FDFT1: variants seen among roughly 807,000 people sequenced by gnomAD.
The protein encoded by FDFT1 is squalene synthase.
A neutral mutation model predicts 46.8 loss-of-function variants in FDFT1; 68 were observed. The ratio of observed to expected loss-of-function variants is 1.45; its 90% CI spans 1.19 to 1.78. The LOEUF (loss-of-function observed/expected upper bound fraction) is 1.78, where lower values mean the gene tolerates loss of function less well. Among genes scored for constraint, FDFT1 ranks in the 40% most tolerant of loss-of-function variants. The pLI is 0.00. For synonymous variants in FDFT1, 351 were observed against 185.1 expected, an observed-to-expected ratio of 1.90 and a Z score of -7.28; for missense variants, 928 against 524.4, an observed-to-expected ratio of 1.77 and a Z score of -7.52.
At chr8:11,820,576 C>T (rs1029747117) in intron 3 of FDFT1, among the ~76,000 whole-genome samples, 4 of 152,170 alleles carry the variant, frequency 2.6e-5, no homozygotes, top group East Asian at 1.9e-4. Context: ...TCAGCAATGG[C>T]GGGGAGGCGC....
At chr8:11,795,641 T>C (rs7845566) in exon 1 of FDFT1, 18,711 of 151,474 alleles carry the variant, frequency 0.12, 1,282 homozygotes, top group Middle Eastern at 0.18. Flanking sequence ...CAATAAATTT[T>C]AATACTTGTC....
Position 11,817,583 on chromosome 8 carries a change from T to C in FDFT1, c.382-4167T>C, listed in dbSNP as rs958167528. On this transcript the variant is annotated intron_variant, in intron 3 of 7. Coordinates refer to ENST00000220584, the MANE Select transcript of FDFT1 (RefSeq NM_004462.5). ...TTTCAGAGGTTCAACTTCTTCCTGG[T>C]TTAGTCTTGGGAGAGTGTATGTGTC... 2.0e-5 allele frequency among the ~76,000 whole-genome samples: 3 copies of C among 152,174 alleles called. No individual in the cohort carries two copies. The South Asian group carries it at 6.2e-4, about 32-fold the overall frequency.
At position 11,838,563 on chromosome 8, in the gene FDFT1, C is replaced by G; in HGVS notation, c.1208C>G (p.Thr403Ser). 1 of 1,613,812 alleles carries G rather than the reference C, an allele frequency of 6.2e-7. No individual in the cohort carries two copies. Among genetic ancestry groups the G allele is most frequent in the East Asian group, 2.2e-5 (1 of 44,888 alleles). Residue 403 changes from threonine (T) to serine (S), a missense_variant, in exon 8 of 8, where the codon ACT becomes AGT. By Grantham distance (58) the Thr-to-Ser change is moderately conservative. Coordinates refer to ENST00000220584, the MANE Select transcript of FDFT1 (RefSeq NM_004462.5). ...GCCCTGAGCTGGCAGTACCTGACCA[C>G]TCTCTCCCAGGTAACAGAAGACTAT... ...LAALSWQYLT[T>S]LSQVTEDYVQ...
chr8:11,828,085 C>T (rs758842176), intron 5 of FDFT1, among the ~76,000 whole-genome samples: 1 of 151,874 alleles, frequency 6.6e-6, no homozygotes, highest in Non-Finnish European at 1.5e-5. Flanking sequence ...GCTGGTAGGG[C>T]CAGCTACTTG....
intron 7 of FDFT1, among the ~76,000 whole-genome samples, chr8:11,836,962 G>GGT (rs1811623123): frequency 6.6e-6 from 1 of 152,242 alleles, no homozygotes; most frequent in Non-Finnish European, 1.5e-5. Context: ...AAGTAGGTGC[G>GGT]GTGTAGTCAG....
At chr8:11,828,116 A>AT (rs1167155146) in intron 5 of FDFT1, among the ~76,000 whole-genome samples, 1 of 151,886 alleles carries the variant, frequency 6.6e-6, no homozygotes, top group Admixed American at 6.6e-5. Flanking sequence ...GTGAGACTCC[A>AT]TTTAAAAAAA....
intron 2 of FDFT1, chr8:11,809,378 G>A (rs971895163): frequency 8.7e-7 from 1 of 1,151,208 alleles, no homozygotes; most frequent in African/African-American, 1.6e-5. Context: ...CTAAACGTTT[G>A]GTCTTCTGGT....
In FDFT1 at chr8:11,810,002, T is replaced by C. The variant is rs910078911; in HGVS notation, c.381+152T>C. 7.0e-6 allele frequency: 4 copies of C among 572,698 alleles called. No individual in the cohort carries two copies. The African/African-American group carries it at 7.5e-5, about 11-fold the overall frequency. The allele number at this position is 572,698 out of a possible 1,614,324, so 35.5% of individuals were successfully genotyped here. A position where few individuals can be genotyped will look rare whatever the true frequency, so the allele number is the denominator to read the frequency against. On this transcript the variant is annotated intron_variant, in intron 3 of 7. Coordinates refer to ENST00000220584, the MANE Select transcript of FDFT1 (RefSeq NM_004462.5). ...TTAAAAACTCCGGTAGCCAAGACTC[T>C]GAAGCCAGGCTGCCTGGGTTGGAAT...
intron 3 of FDFT1, among the ~76,000 whole-genome samples, chr8:11,813,804 C>T (rs1282858995): frequency 3.3e-5 from 5 of 152,118 alleles, no homozygotes; most frequent in Admixed American, 6.5e-5. Flanking sequence ...TACCTGGAAG[C>T]GGAAAAAGCC....
intron 4 of FDFT1, among the ~76,000 whole-genome samples, chr8:11,824,687 A>G (rs1419821237): frequency 6.6e-6 from 1 of 152,084 alleles, no homozygotes; most frequent in Non-Finnish European, 1.5e-5. Flanking sequence ...TCATACTGCT[A>G]TGTACCTGAT....
chr8:11,826,833 T>A (rs1810060635), intron 5 of FDFT1, among the ~76,000 whole-genome samples: 1 of 152,058 alleles, frequency 6.6e-6, no homozygotes, highest in African/African-American at 2.4e-5. Flanking sequence ...AGGAAGGGCT[T>A]GGTTCTTCTG....
intron 3 of FDFT1, among the ~76,000 whole-genome samples, chr8:11,821,394 C>T (rs911549566): frequency 6.6e-6 from 1 of 152,198 alleles, no homozygotes; most frequent in Admixed American, 6.5e-5. Context: ...AATTTGAGAC[C>T]AGCTTGGCCA....
chr8:11,811,917 C>A (rs542859896), intron 3 of FDFT1, among the ~76,000 whole-genome samples: 1 of 152,176 alleles, frequency 6.6e-6, no homozygotes, highest in Non-Finnish European at 1.5e-5. Context: ...TTAACAGTGC[C>A]TTGTCTTCTT....
At chr8:11,835,198 C>T (rs897001018) in intron 7 of FDFT1, among the ~76,000 whole-genome samples, 7 of 152,192 alleles carry the variant, frequency 4.6e-5, no homozygotes, top group Admixed American at 2.6e-4. Flanking sequence ...CTGTCCTTGA[C>T]AAGCAGATGT....
chr8:11,827,716 C>T (rs984507208), intron 5 of FDFT1, among the ~76,000 whole-genome samples: 32 of 152,200 alleles, frequency 2.1e-4, no homozygotes, highest in Admixed American at 5.9e-4. Flanking sequence ...TGAAAAGATG[C>T]TGAGTCTTAC....
intron 1 of FDFT1, among the ~76,000 whole-genome samples, chr8:11,804,519 T>TA (rs1014930056): frequency 2.7e-4 from 41 of 151,698 alleles, no homozygotes; most frequent in African/African-American, 5.8e-4. Flanking sequence ...CATGAGCCGT[T>TA]AAAAAAATAC....
At chr8:11,810,213 G>T (rs1585886156) in intron 3 of FDFT1, among the ~76,000 whole-genome samples, 1 of 152,224 alleles carries the variant, frequency 6.6e-6, no homozygotes, top group African/African-American at 2.4e-5. Flanking sequence ...TGGAAGTCCA[G>T]TGTTTCTTCC....
In FDFT1 at chr8:11,802,805, C is replaced by T. The variant is rs377211006; in HGVS notation, c.-28C>T. The T allele has an allele frequency of 3.8e-6, 6 of 1,574,214 alleles. No homozygotes were observed. The South Asian group carries it at 4.6e-5, about 12-fold the overall frequency. ...CTGGGGACCGCAGAGGTGAGAGTCG[C>T]GCCCGGGAGTCCGCCGCCTGCGCCA... is the stretch of plus-strand genomic sequence containing the variant. On this transcript the variant is annotated 5_prime_UTR_variant, in exon 1 of 8. Coordinates refer to ENST00000220584, the MANE Select transcript of FDFT1 (RefSeq NM_004462.5).
intron 1 of FDFT1, among the ~76,000 whole-genome samples, chr8:11,805,337 A>G (rs1238989578): frequency 6.6e-6 from 1 of 152,176 alleles, no homozygotes; most frequent in Non-Finnish European, 1.5e-5. Flanking sequence ...TTTACACTGA[A>G]TTTTTAGGTG....
Sources: gnomAD v4.1 joint callset for allele counts (sites outside exome capture counted in the v4.1 genomes callset) on GRCh38, gnomAD v4.1.1 for gene constraint, MANE v1.5 for transcripts, NCBI Gene and HGNC (gene_info 2026-07-23, HGNC 2026-07-21) for gene names.